The following SYT7 variants were observed in gnomAD, a reference collection of about 807,000 sequenced individuals.
SYT7 encodes synaptotagmin 7, also known as synaptotagmin-7.
Under a neutral mutation model 75.1 loss-of-function variants are expected in SYT7, and 29 were observed. That is an observed-to-expected ratio of 0.39 (90% CI 0.29 to 0.53). SYT7 has a LOEUF of 0.53. Ranked by LOEUF, SYT7 falls within the 20% of genes least tolerant of loss-of-function variation. The pLI, the probability that SYT7 is intolerant of heterozygous loss-of-function variation, is 0.77. For synonymous variants in SYT7, 376 were observed against 401.7 expected (o/e 0.94, Z 0.76); for missense variants, 693 against 953.2 (o/e 0.73, Z 3.59).
At chr11:61,550,837 C>G (rs538916188) in intron 3 of SYT7, among the ~76,000 whole-genome samples, 1 of 152,304 alleles carries the variant, frequency 6.6e-6, no homozygotes, top group East Asian at 1.9e-4. Context: ...CAGAGACAGC[C>G]AGACACACAG....
In SYT7 at chr11:61,548,418, G is replaced by A. The variant is rs146673631; in HGVS notation, c.216-1110C>T. ...CCTTGGCCGGTGGAGGGCATGGCCTGGAAACCCTGGGAGCCAAGGACAAGG... is the reference window on the plus strand; with the variant it reads ...CCTTGGCCGGTGGAGGGCATGGCCTAGAAACCCTGGGAGCCAAGGACAAGG... On this transcript the variant is annotated intron_variant, in intron 3 of 12. Transcript: ENST00000539008. Among the ~76,000 whole-genome samples, 1,133 of 152,282 alleles carry A rather than the reference G, an allele frequency of 7.4e-3. 12 individuals are homozygous for A. Among genetic ancestry groups the A allele is most frequent in the African/African-American group, 0.025 (1,045 of 41,554 alleles).
intron 1 of SYT7, among the ~76,000 whole-genome samples, chr11:61,569,724 A>T (rs1265672871): frequency 6.6e-6 from 1 of 152,074 alleles, no homozygotes; most frequent in African/African-American, 2.4e-5. Flanking sequence ...GAGAGGAAGG[A>T]CAGGGAGGAA....
In SYT7 at chr11:61,524,300, G is replaced by A. The variant is rs1447624135; in HGVS notation, c.1641+63C>T. The A allele has an allele frequency of 1.1e-5, 18 of 1,588,712 alleles. No individual in the cohort carries two copies. Among genetic ancestry groups the A allele is most frequent in the Non-Finnish European group, 1.5e-5 (18 of 1,166,046 alleles). On this transcript the variant is annotated intron_variant, in intron 10 of 12. Transcript: ENST00000539008. This position sits in a 1 kb window ranked among gnomAD's most constrained non-coding sequence, Gnocchi z 4.1. ...CCTTCCTAAGGTTGACAAGGGTCTG[G>A]GACCAGATCTCCCAGCCCTGCCCTG...
At chr11:61,566,453 G>A (rs1209137786) in intron 1 of SYT7, among the ~76,000 whole-genome samples, 3 of 152,260 alleles carry the variant, frequency 2.0e-5, no homozygotes, top group Non-Finnish European at 4.4e-5. Flanking sequence ...AAGCCATTCA[G>A]GATGGAAAGG....
At chr11:61,571,994 C>T (rs950323563) in intron 1 of SYT7, among the ~76,000 whole-genome samples, 20 of 152,346 alleles carry the variant, frequency 1.3e-4, no homozygotes, top group African/African-American at 4.6e-4. Context: ...TCCCTGCTCT[C>T]TCCTCCCCCT....
At chr11:61,584,764 G>C (rs1453512972), upstream of SYT7, among the ~76,000 whole-genome samples, 1 of 152,212 alleles carries the variant, frequency 6.6e-6, no homozygotes, top group Admixed American at 6.5e-5. Flanking sequence ...GGAGTGAGCA[G>C]GTCCTCTGAG....
intron 8 of SYT7, among the ~76,000 whole-genome samples, chr11:61,531,271 G>A (rs1325598552): frequency 6.6e-6 from 1 of 152,210 alleles, no homozygotes; most frequent in Non-Finnish European, 1.5e-5. Flanking sequence ...CCTTCCTTCC[G>A]CTGGCTGCAG....
intron 8 of SYT7, among the ~76,000 whole-genome samples, chr11:61,530,226 C>T (rs2062663049): frequency 6.6e-6 from 1 of 152,240 alleles, no homozygotes; most frequent in Non-Finnish European, 1.5e-5. Context: ...GCGCCTTGCT[C>T]TTGCCCTCAG....
At chr11:61,540,728 A>T in intron 6 of SYT7, 3 of 985,508 alleles carry the variant, frequency 3.0e-6, no homozygotes, top group Non-Finnish European at 3.6e-6. Flanking sequence ...GACAGCTGTG[A>T]TAAGACAGTC....
the SYT7 span, among the ~76,000 whole-genome samples, chr11:61,588,317 C>T: frequency 4.6e-5 from 7 of 152,158 alleles, no homozygotes; most frequent in African/African-American, 1.7e-4. Flanking sequence ...GTGCCAAGTG[C>T]ATAACACGCA....
rs2062574367 is a variant in SYT7 at position 61,527,929 on chromosome 11, G to A, written c.1457C>T (p.Thr486Ile). Residue 486 changes from threonine (T) to isoleucine (I), a missense_variant, in exon 9 of 13, where the codon ACC becomes ATC. By Grantham distance (89) the Thr-to-Ile change is moderately conservative (BLOSUM62 -1). Transcript: ENST00000539008. Reference sequence around the variant, plus strand: ...ACTAGACTCACCTTCAAAGAGGAAGGTCTCGTTCCAGTGGGGGTTCAGGTT... The same window carrying A: ...ACTAGACTCACCTTCAAAGAGGAAGATCTCGTTCCAGTGGGGGTTCAGGTT... Reference protein sequence around the residue: ...RKNLNPHWNETFLFEGFPYEK... With the variant: ...RKNLNPHWNEIFLFEGFPYEK... The A allele has an allele frequency of 1.2e-6, 2 of 1,614,026 alleles. No homozygotes were observed. Among genetic ancestry groups the A allele is most frequent in the African/African-American group, 2.7e-5 (2 of 74,926 alleles).
intron 1 of SYT7, among the ~76,000 whole-genome samples, chr11:61,567,343 G>GCAC (rs113744190): frequency 3.4e-4 from 51 of 150,638 alleles, no homozygotes; most frequent in Admixed American, 1.6e-3. Flanking sequence ...TGAGCGCCCC[G>GCAC]CCCCCCAGAG....
intron 8 of SYT7, among the ~76,000 whole-genome samples, chr11:61,530,591 G>A (rs2062675831): frequency 1.3e-5 from 2 of 152,194 alleles, no homozygotes; most frequent in Admixed American, 1.3e-4. Context: ...CATAGCATGG[G>A]TAGACAGTGC....
rs945236303 is a variant in SYT7 at position 61,515,746 on chromosome 11, G to C, written c.*2881C>G. 2.6e-5 allele frequency: 4 copies of C among 152,622 alleles called. No homozygotes were observed. Among genetic ancestry groups the C allele is most frequent in the Non-Finnish European group, 5.9e-5 (4 of 68,036 alleles). 9.5% of individuals were successfully genotyped at this position (152,622 alleles called of 1,614,324 possible). ...TCATGGGGAGATGGTCACAAGAAAG[G>C]AAACCAGGACAAGATAAGGACTAAG... On this transcript the variant is annotated 3_prime_UTR_variant, in exon 13 of 13. Coordinates refer to ENST00000539008, the MANE Select transcript of SYT7 (RefSeq NM_001365809.2).
intron 7 of SYT7, among the ~76,000 whole-genome samples, chr11:61,537,634 G>GC: frequency 6.6e-6 from 1 of 152,170 alleles, no homozygotes; most frequent in Middle Eastern, 3.4e-3. Context: ...CCTCTCCCAT[G>GC]CCCCAGACCC....
chr11:61,586,690 T>C, the SYT7 span, among the ~76,000 whole-genome samples: 7 of 152,296 alleles, frequency 4.6e-5, no homozygotes, highest in South Asian at 1.4e-3. Flanking sequence ...GAAAAGCCCC[T>C]GGCCCAGAAG....
chr11:61,546,338 CG>C lies in SYT7; in HGVS notation c.348-84del. 9 of 911,114 alleles carry C rather than the reference CG, an allele frequency of 9.9e-6. No homozygotes were observed. The highest frequency in any genetic ancestry group is 3.1e-5 in the East Asian group (1 of 32,590). The allele number at this position is 911,114 out of a possible 1,614,324, so 56.4% of individuals were successfully genotyped here. ...GAGAGGGCAGGCCATACGTGGGGGT[CG>C]GGGGGTGGAAGAGGAAGAAAAACAA... On this transcript the variant is annotated intron_variant, in intron 4 of 12. Transcript: ENST00000539008. This position sits in a 1 kb window ranked among gnomAD's most constrained non-coding sequence, Gnocchi z 7.6.
At chr11:61,544,576 G>A (rs184803900) in intron 5 of SYT7, among the ~76,000 whole-genome samples, 3 of 152,292 alleles carry the variant, frequency 2.0e-5, no homozygotes, top group African/African-American at 7.2e-5. Context: ...GAGGGAGGGC[G>A]GCACATTGGC....
In SYT7 at chr11:61,572,162, C is replaced by T. The variant is rs2063941730; in HGVS notation, c.31+8628G>A. ...ATTCATCAGGCTCCTCCAGGGCTGG[C>T]AGGTGCCAAGGAGGGAGAGAGGGGT... is the stretch of plus-strand genomic sequence containing the variant. On this transcript the variant is annotated intron_variant, in intron 1 of 12. Coordinates refer to ENST00000539008, the MANE Select transcript of SYT7 (RefSeq NM_001365809.2). Among the ~76,000 whole-genome samples the T allele has an allele frequency of 2.0e-5, 3 of 152,130 alleles. No homozygotes were observed. The South Asian group carries it at 6.2e-4, about 31-fold the overall frequency.
Sources: allele counts gnomAD v4.1 joint callset (sites outside exome capture counted in the v4.1 genomes callset), GRCh38; gene constraint gnomAD v4.1.1; non-coding constraint Gnocchi (gnomAD v3.1); transcripts MANE v1.5; gene names NCBI Gene and HGNC (gene_info 2026-07-23, HGNC 2026-07-21).